Variants in TPO observed in about 807,000 individuals in gnomAD.
TPO encodes the protein thyroid peroxidase.
Under a neutral mutation model 96.9 loss-of-function variants are expected in TPO, and 78 were observed. That is an observed-to-expected ratio of 0.81 (90% confidence interval 0.67 to 0.97). TPO has a LOEUF of 0.97. TPO is among the 50% of genes least tolerant of loss of function. The pLI is 0.00. For synonymous variants in TPO, 547 were observed against 538.0 expected, an observed-to-expected ratio of 1.02 and a Z score of -0.23; for missense variants, 1,252 against 1,274.8, an observed-to-expected ratio of 0.98 and a Z score of 0.27.
chr2:1,427,200 G>T (rs1003226489), intron 3 of TPO, among the ~76,000 whole-genome samples: 1 of 152,250 alleles, frequency 6.6e-6, no homozygotes. Context: ...CATCTGGGGA[G>T]GGGGGCCCTG....
chr2:1,378,997 CTG>C (rs1438529469), intron 1 of TPO, among the ~76,000 whole-genome samples: 3 of 152,134 alleles, frequency 2.0e-5, no homozygotes, highest in Admixed American at 6.5e-5. Context: ...TCTGAAATGT[CTG>C]TGATAAGCCA....
At chr2:1,469,721 G>A (rs565390750) in intron 7 of TPO, among the ~76,000 whole-genome samples, 17 of 152,248 alleles carry the variant, frequency 1.1e-4, no homozygotes, top group African/African-American at 3.9e-4. Context: ...ATCTTCTCCC[G>A]TAATCTAGAC....
intron 5 of TPO, among the ~76,000 whole-genome samples, chr2:1,442,338 CT>C (rs1472886682): frequency 4.6e-5 from 7 of 152,154 alleles, no homozygotes; most frequent in Non-Finnish European, 2.9e-5. Context: ...TTGTGGAGAT[CT>C]GTGTGCCACA....
At chr2:1,442,971 C>T (rs539042620) in intron 5 of TPO, among the ~76,000 whole-genome samples, 1 of 152,308 alleles carries the variant, frequency 6.6e-6, no homozygotes, top group Non-Finnish European at 1.5e-5. Flanking sequence ...CACTTTGGCT[C>T]ACGCCTGTAA....
intron 3 of TPO, 120 bp from the exon 4 acceptor site, chr2:1,433,318 C>A: frequency 7.7e-7 from 1 of 1,299,942 alleles, no homozygotes; most frequent in Non-Finnish European, 1.1e-6. Flanking sequence ...CCCGCAGTGC[C>A]TGTCACATTG....
intron 3 of TPO, among the ~76,000 whole-genome samples, chr2:1,424,082 T>C (rs959083395): frequency 6.6e-6 from 1 of 152,180 alleles, no homozygotes; most frequent in Non-Finnish European, 1.5e-5. Context: ...TGTGACGCAG[T>C]GTCAGGAGGT....
rs567212785 is a variant in TPO, at chr2:1,436,458, A to C, written c.482+74A>C. The C allele has an allele frequency of 4.8e-5, 77 of 1,603,114 alleles. No homozygotes were observed. The African/African-American group carries it at 9.1e-4, about 19-fold the overall frequency. On this transcript the variant is annotated intron_variant, in intron 5 of 16. Transcript: ENST00000329066. ...CATGACTAGATGCCATCATGAAGGA[A>C]CTTCTACCACCACTGGTGGATCTGT... is the stretch of plus-strand genomic sequence containing the variant.
At chr2:1,439,187 C>A in intron 5 of TPO, 1 of 259,430 alleles carries the variant, frequency 3.9e-6, no homozygotes, top group East Asian at 7.6e-5. Context: ...GCTGGGCGGG[C>A]TCCACTGACG....
At chr2:1,454,579 G>A (rs1667615364) in intron 6 of TPO, among the ~76,000 whole-genome samples, 1 of 152,178 alleles carries the variant, frequency 6.6e-6, no homozygotes, top group African/African-American at 2.4e-5. Flanking sequence ...CTGTGTCACT[G>A]AAGACGGCTC....
chr2:1,537,035 CCCACTGTGTGCAACCTCCCCAAATCCCTG>C (rs1161754711), intron 15 of TPO, among the ~76,000 whole-genome samples: 24 of 121,880 alleles, frequency 2.0e-4, no homozygotes, highest in Non-Finnish European at 3.1e-4. Context: ...CTCAAATACC[CCCACTGTGTGCAACCTCCCCAAATCCCTG>C]CCACTGTGTG....
chr2:1,414,282 C>G (rs1193541449), intron 1 of TPO, 126 bp from the exon 2 acceptor site: 1 of 911,642 alleles, frequency 1.1e-6, no homozygotes, highest in Admixed American at 2.0e-5. Context: ...GTGAGGGTCG[C>G]TCACTGCGGT....
At chr2:1,386,060 T>G (rs1175913033) in intron 1 of TPO, among the ~76,000 whole-genome samples, 1 of 152,174 alleles carries the variant, frequency 6.6e-6, no homozygotes, top group Admixed American at 6.6e-5. Context: ...TAGTTTGATT[T>G]CACTATGGTC....
intron 15 of TPO, among the ~76,000 whole-genome samples, chr2:1,537,530 T>TCCTCAA (rs1558441687): frequency 6.6e-5 from 1 of 15,130 alleles, no homozygotes; most frequent in Non-Finnish European, 1.1e-4. Context: ...AACCTCCGCC[T>TCCTCAA]ATCCCCCCCA....
chr2:1,531,111 C>G (rs1678068867), intron 15 of TPO, among the ~76,000 whole-genome samples: 1 of 94,028 alleles, frequency 1.1e-5, no homozygotes, highest in African/African-American at 4.2e-5. Context: ...CCCAAATCCC[C>G]CCACTGTGTG....
chr2:1,499,966 C>T (rs1416569612), intron 13 of TPO, among the ~76,000 whole-genome samples: 1 of 152,230 alleles, frequency 6.6e-6, no homozygotes. Context: ...GATATTAACA[C>T]TGTGAGTGCT....
chr2:1,508,833 C>A (rs1260111078), intron 14 of TPO, among the ~76,000 whole-genome samples: 1 of 152,142 alleles, frequency 6.6e-6, no homozygotes, highest in Non-Finnish European at 1.5e-5. Context: ...TTTCAAAAAA[C>A]CAGCTCCTGG....
intron 1 of TPO, among the ~76,000 whole-genome samples, chr2:1,387,110 G>T (rs1661912187): frequency 1.3e-5 from 2 of 152,116 alleles, no homozygotes; most frequent in Non-Finnish European, 2.9e-5. Flanking sequence ...TCCCTTTGTG[G>T]GTAACCCGAC....
At chr2:1,446,578 C>A (rs531785482) in intron 5 of TPO, among the ~76,000 whole-genome samples, 20 of 152,202 alleles carry the variant, frequency 1.3e-4, no homozygotes, top group Non-Finnish European at 2.6e-4. Flanking sequence ...AAAATACATT[C>A]ATTGGCCATT....
At chr2:1,497,314 C>T (rs960628430) in intron 13 of TPO, among the ~76,000 whole-genome samples, 5 of 152,228 alleles carry the variant, frequency 3.3e-5, no homozygotes, top group Admixed American at 1.3e-4. Flanking sequence ...AGCCGTGGGC[C>T]ACTTCCACCT....
Sources: gnomAD v4.1 joint callset for allele counts (sites outside exome capture counted in the v4.1 genomes callset) on GRCh38, gnomAD v4.1.1 for gene constraint, MANE v1.5 for transcripts, NCBI Gene and HGNC (gene_info 2026-07-23, HGNC 2026-07-21) for gene names.